Variants in CHEK1 observed in about 807,000 individuals in gnomAD.
CHEK1 encodes the protein checkpoint kinase 1.
In CHEK1, 32 loss-of-function variants were observed where a neutral mutation model predicts 60.2. The ratio of observed to expected loss-of-function variants is 0.53; its 90% CI spans 0.40 to 0.71. The LOEUF is 0.71. CHEK1 is among the 30% of genes least tolerant of loss of function. The pLI, the probability that CHEK1 is intolerant of heterozygous loss-of-function variation, is 0.00. For missense variants in CHEK1, 399 were observed against 564.6 expected (o/e 0.71, Z 2.97); for synonymous variants, 179 against 187.2 (o/e 0.96, Z 0.36).
chr11:125,678,355 T>G (rs1348064807), downstream of CHEK1: 5 of 1,570,032 alleles, frequency 3.2e-6, no homozygotes, highest in African/African-American at 1.4e-5. Context: ...GGATAAAGAC[T>G]ATCTTCCTAT....
intron 7 of CHEK1, 76 bp downstream of exon 7, chr11:125,635,609 C>CTT: frequency 1.7e-5 from 14 of 832,402 alleles, no homozygotes; most frequent in Non-Finnish European, 1.9e-5. Flanking sequence ...TTTTTTCTTA[C>CTT]TTTTTTTTTT....
rs1591423243 is a variant in CHEK1, at chr11:125,655,529, A to G, written c.*209A>G. On this transcript the variant is annotated 3_prime_UTR_variant, in exon 13 of 13. Coordinates refer to ENST00000438015, the MANE Select transcript of CHEK1 (RefSeq NM_001114122.3). ...CTTAATTGTAAGCAAAACTTTGGGG[A>G]AAGGATGAATAGAATTCATTTGATT... 1 of 394,582 alleles carries G rather than the reference A, an allele frequency of 2.5e-6. No homozygotes were observed. Among genetic ancestry groups the G allele is most frequent in the East Asian group, 3.9e-5 (1 of 25,622 alleles). 24.4% of individuals were successfully genotyped at this position (394,582 alleles called of 1,614,324 possible).
chr11:125,657,861 A>G (rs573275659), downstream of CHEK1, among the ~76,000 whole-genome samples: 1 of 152,268 alleles, frequency 6.6e-6, no homozygotes, highest in African/African-American at 2.4e-5. Context: ...GAATAGCTGG[A>G]TATTAGGATA....
intron 13 of CHEK1, among the ~76,000 whole-genome samples, chr11:125,671,107 G>C (rs1203733011): frequency 6.6e-6 from 1 of 152,046 alleles, no homozygotes; most frequent in Non-Finnish European, 1.5e-5. Context: ...GGGTCTTGCT[G>C]TGTTGCCCAA....
chr11:125,638,389 C>G (rs1941152184), intron 8 of CHEK1, among the ~76,000 whole-genome samples: 1 of 151,984 alleles, frequency 6.6e-6, no homozygotes, highest in Admixed American at 6.6e-5. Context: ...AATTTAAGAA[C>G]TAGTATTGAT....
chr11:125,680,702 T>C (rs1942757456), downstream of CHEK1: 1 of 1,605,700 alleles, frequency 6.2e-7, no homozygotes, highest in Non-Finnish European at 8.5e-7. Flanking sequence ...CTTTTGTATT[T>C]ACCTGAAGCC....
rs1941037067 is a variant in CHEK1, at chr11:125,635,491, A to G, written c.676A>G (p.Thr226Ala). The G allele has an allele frequency of 6.2e-7, 1 of 1,609,710 alleles. No homozygotes were observed. Among genetic ancestry groups the G allele is most frequent in the Non-Finnish European group, 8.5e-7 (1 of 1,178,174 alleles). The change falls in exon 7 of 13, where the codon ACA becomes GCA. Residue 226 changes from threonine (T) to alanine (A), a missense_variant. Around this residue, in one of 2 missense-constraint regions of CHEK1, gnomAD observed 370 missense variants for 494.8 expected, o/e 0.75. Coordinates refer to ENST00000438015, the MANE Select transcript of CHEK1 (RefSeq NM_001114122.3). ...GTATTCTGACTGGAAAGAAAAAAAA[A>G]CATACCTCAACCCTTGGAAAAAAAT... ...QEYSDWKEKK[T>A]YLNPWKKIDS...
Position 125,655,481 on chromosome 11 carries a change from C to G in CHEK1, c.*161C>G, listed in dbSNP as rs967472656. 8.0e-6 allele frequency: 4 copies of G among 498,028 alleles called. No individual in the cohort carries two copies. Among genetic ancestry groups the G allele is most frequent in the African/African-American group, 7.9e-5 (4 of 50,450 alleles). The allele number at this position is 498,028 out of a possible 1,614,324, so 30.9% of individuals were successfully genotyped here. ...CATCTTCCAATTTATTTTGTTTGTT[C>G]GGCATACAAATAATACCTATATCTT... On this transcript the variant is annotated 3_prime_UTR_variant, in exon 13 of 13. Coordinates refer to ENST00000438015, the MANE Select transcript of CHEK1 (RefSeq NM_001114122.3).
At chr11:125,640,282 C>T (rs1008371919) in intron 8 of CHEK1, among the ~76,000 whole-genome samples, 2 of 152,214 alleles carry the variant, frequency 1.3e-5, no homozygotes, top group Admixed American at 6.5e-5. Flanking sequence ...TGGCTCACGC[C>T]TGTAATCCCA....
At chr11:125,627,955 T>G (rs1940692735) in intron 3 of CHEK1, 125 bp downstream of exon 3, 1 of 705,442 alleles carries the variant, frequency 1.4e-6, no homozygotes, top group African/African-American at 1.8e-5. Context: ...TGGAATACAT[T>G]ATCTTTAAAA....
chr11:125,648,721 AAT>A (rs1407147005), intron 11 of CHEK1, among the ~76,000 whole-genome samples: 7 of 151,940 alleles, frequency 4.6e-5, no homozygotes, highest in African/African-American at 1.7e-4. Context: ...GTTGAACAGA[AAT>A]AGAGTCTTTG....
chr11:125,643,561 C>T, intron 8 of CHEK1: 1 of 469,748 alleles, frequency 2.1e-6, no homozygotes. Flanking sequence ...ACAGATCATA[C>T]TTAGGTATTG....
At chr11:125,659,383 ATCTT>A (rs1941974225), downstream of CHEK1, among the ~76,000 whole-genome samples, 1 of 151,372 alleles carries the variant, frequency 6.6e-6, no homozygotes, top group Non-Finnish European at 1.5e-5. Context: ...ATAGTTTCAG[ATCTT>A]TCTTCTATTT....
At chr11:125,661,043 T>G (rs1942004277), downstream of CHEK1, among the ~76,000 whole-genome samples, 2 of 152,216 alleles carry the variant, frequency 1.3e-5, no homozygotes, top group African/African-American at 4.8e-5. Flanking sequence ...CCCCAAGTGC[T>G]GGGATTACAA....
At chr11:125,681,061 T>A, downstream of CHEK1, 1 of 144,094 alleles carries the variant, frequency 6.9e-6, no homozygotes, top group Non-Finnish European at 1.2e-5. This position sits in a 1 kb window ranked among gnomAD's most constrained non-coding sequence, Gnocchi z 4.2. Context: ...CTGCCCTATC[T>A]TTAAAAAAAA....
intron 13 of CHEK1, among the ~76,000 whole-genome samples, chr11:125,663,175 T>C (rs376346214): frequency 4.3e-4 from 65 of 152,290 alleles, no homozygotes; most frequent in African/African-American, 1.5e-3. Flanking sequence ...GTTGCTTATC[T>C]TTTCATCCTG....
At position 125,626,764 on chromosome 11, in the gene CHEK1, G is replaced by T. The variant is rs756973382; in HGVS notation, c.-5G>T. On this transcript the variant is annotated 5_prime_UTR_variant, in exon 2 of 13. The change creates a premature stop within an existing upstream ORF in the 5' untranslated region. Transcript: ENST00000438015. ...CCTTTTACAGCCGAGGTGCTCGGTG[G>T]AGTCATGGCAGTGCCCTTTGTGGAA... 6.2e-6 allele frequency: 10 copies of T among 1,614,160 alleles called. No homozygotes were observed. Among genetic ancestry groups the T allele is most frequent in the South Asian group, 1.1e-5 (1 of 91,074 alleles).
chr11:125,631,830 C>G (rs2702006), intron 5 of CHEK1, among the ~76,000 whole-genome samples: 1 of 104,784 alleles, frequency 9.5e-6, no homozygotes, highest in East Asian at 2.6e-4. Flanking sequence ...TCACTACACT[C>G]TAGTCTGGGC....
intron 8 of CHEK1, among the ~76,000 whole-genome samples, chr11:125,640,859 G>A (rs1420621268): frequency 6.6e-6 from 1 of 152,106 alleles, no homozygotes; most frequent in Non-Finnish European, 1.5e-5. Context: ...AAACTGCTGG[G>A]CTTAAGCAAT....
Sources: gnomAD v4.1 joint callset for allele counts (sites outside exome capture counted in the v4.1 genomes callset) on GRCh38, gnomAD v4.1.1 for gene constraint, gnomAD v4.1.1 regional missense constraint, Gnocchi (gnomAD v3.1) non-coding constraint, MANE v1.5 for transcripts, NCBI Gene and HGNC (gene_info 2026-07-23, HGNC 2026-07-21) for gene names.